The following ZCCHC7 variants were observed in gnomAD, a reference collection of about 807,000 sequenced individuals.
The protein encoded by ZCCHC7 is zinc finger CCHC domain-containing protein 7.
Under a neutral mutation model 52.0 loss-of-function variants are expected in ZCCHC7, and 35 were observed. The observed-to-expected ratio is 0.67, with a 90% CI of 0.51 to 0.89. The LOEUF is 0.89. Among genes scored for constraint, ZCCHC7 ranks in the 40% least tolerant of loss-of-function variants. The pLI is 0.00. For missense variants in ZCCHC7, 574 were observed against 649.1 expected, an observed-to-expected ratio of 0.88 and a Z score of 1.26; for synonymous variants, 217 against 221.5, an observed-to-expected ratio of 0.98 and a Z score of 0.18.
intron 6 of ZCCHC7, among the ~76,000 whole-genome samples, chr9:37,335,699 T>C: frequency 6.6e-6 from 1 of 152,300 alleles, no homozygotes; most frequent in Non-Finnish European, 1.5e-5. Context: ...TTACTCTGTC[T>C]CCTAACAATG....
chr9:37,312,524 C>A (rs1336966440), intron 5 of ZCCHC7, among the ~76,000 whole-genome samples: 1 of 152,188 alleles, frequency 6.6e-6, no homozygotes, highest in African/African-American at 2.4e-5. Context: ...ATGATGCATA[C>A]CTAGAAAATG....
chr9:37,159,137 C>T (rs968517722), intron 2 of ZCCHC7, among the ~76,000 whole-genome samples: 4 of 152,130 alleles, frequency 2.6e-5, no homozygotes, highest in African/African-American at 7.2e-5. Flanking sequence ...TATTTCTCTC[C>T]GATTTATATA....
At chr9:37,286,346 A>C (rs973878416) in intron 2 of ZCCHC7, among the ~76,000 whole-genome samples, 1 of 152,154 alleles carries the variant, frequency 6.6e-6, no homozygotes, top group South Asian at 2.1e-4. Flanking sequence ...ACCTACCTTT[A>C]TAAGATTGTT....
At chr9:37,222,968 T>C (rs1355053132) in intron 2 of ZCCHC7, among the ~76,000 whole-genome samples, 1 of 152,166 alleles carries the variant, frequency 6.6e-6, no homozygotes, top group Non-Finnish European at 1.5e-5. Context: ...TCTGTTAAGA[T>C]GGCAGATCAT....
At chr9:37,252,797 T>TA (rs1207963683) in intron 2 of ZCCHC7, among the ~76,000 whole-genome samples, 1 of 152,176 alleles carries the variant, frequency 6.6e-6, no homozygotes, top group Non-Finnish European at 1.5e-5. Flanking sequence ...TACCATCCTG[T>TA]AATACCAACA....
At chr9:37,217,527 A>G (rs1186239248) in intron 2 of ZCCHC7, among the ~76,000 whole-genome samples, 1 of 152,184 alleles carries the variant, frequency 6.6e-6, no homozygotes, top group Non-Finnish European at 1.5e-5. Flanking sequence ...CTCAAATTTG[A>G]TTAAAGTGGA....
At chr9:37,200,206 T>TG (rs1823561649) in intron 2 of ZCCHC7, among the ~76,000 whole-genome samples, 1 of 152,204 alleles carries the variant, frequency 6.6e-6, no homozygotes, top group Non-Finnish European at 1.5e-5. Flanking sequence ...TTCTTCTCCA[T>TG]GTTCACTTCC....
At chr9:37,186,434 G>GT (rs1272092371) in intron 2 of ZCCHC7, among the ~76,000 whole-genome samples, 1 of 152,154 alleles carries the variant, frequency 6.6e-6, no homozygotes, top group Non-Finnish European at 1.5e-5. Context: ...CACATTCAGT[G>GT]TAAAGGGTGT....
intron 2 of ZCCHC7, among the ~76,000 whole-genome samples, chr9:37,184,123 A>G (rs549396655): frequency 1.3e-5 from 2 of 152,224 alleles, no homozygotes; most frequent in South Asian, 4.1e-4. Context: ...TGACATTCAC[A>G]CTTGTTTGTG....
chr9:37,327,637 A>G (rs1830302452), intron 5 of ZCCHC7, among the ~76,000 whole-genome samples, 162 bp from the exon 6 acceptor site: 1 of 152,238 alleles, frequency 6.6e-6, no homozygotes, highest in Non-Finnish European at 1.5e-5. Flanking sequence ...AAATTCAATT[A>G]AACTGTCTAG....
intron 2 of ZCCHC7, among the ~76,000 whole-genome samples, chr9:37,243,930 T>C (rs567754456): frequency 6.6e-6 from 1 of 151,998 alleles, no homozygotes; most frequent in East Asian, 1.9e-4. Context: ...AATTGTATGG[T>C]CTGAGGATAT....
chr9:37,155,210 A>T (rs13301205), intron 2 of ZCCHC7, among the ~76,000 whole-genome samples: 44,259 of 151,982 alleles, frequency 0.29, 7,017 homozygotes, highest in Middle Eastern at 0.39. Flanking sequence ...AATACAAAAA[A>T]ATTAGCCGGG....
chr9:37,285,900 A>T (rs937910787), intron 2 of ZCCHC7, among the ~76,000 whole-genome samples: 7 of 152,220 alleles, frequency 4.6e-5, no homozygotes, highest in African/African-American at 1.7e-4. Context: ...ATTATATAAT[A>T]AAAGTTAACC....
At chr9:37,122,716 G>C (rs1322787516) in intron 1 of ZCCHC7, among the ~76,000 whole-genome samples, 1 of 152,248 alleles carries the variant, frequency 6.6e-6, no homozygotes, top group Non-Finnish European at 1.5e-5. Context: ...GAGTGGGGCG[G>C]ATCACGAGGT....
At chr9:37,307,018 T>C (rs969592973) in intron 5 of ZCCHC7, among the ~76,000 whole-genome samples, 8 of 151,186 alleles carry the variant, frequency 5.3e-5, no homozygotes, top group Admixed American at 5.3e-4. Context: ...ACTCCTGACC[T>C]CAGGTGATCC....
intron 2 of ZCCHC7, among the ~76,000 whole-genome samples, chr9:37,185,628 T>C (rs931871443): frequency 6.6e-6 from 1 of 152,186 alleles, no homozygotes; most frequent in South Asian, 2.1e-4. Flanking sequence ...GTGTGGCTGG[T>C]AATCTTAGGC....
Position 37,184,687 on chromosome 9 carries a change from T to TTTGTTGTTG in ZCCHC7, c.610+57770_610+57778dup, listed in dbSNP as rs56220914. 3.1e-3 allele frequency among the ~76,000 whole-genome samples: 472 copies of TTTGTTGTTG among 150,462 alleles called. 3 individuals carry two copies. Among genetic ancestry groups the TTTGTTGTTG allele is most frequent in the African/African-American group, 9.6e-3 (392 of 40,950 alleles). On this transcript the variant is annotated intron_variant, in intron 2 of 8. Transcript: ENST00000336755. ...CCAAGTTTTAACCTCTGTCTGGTGATTTGTTGTTGTTGTTGTTGTTGTTGT... is the reference window on the plus strand; with the variant it reads ...CCAAGTTTTAACCTCTGTCTGGTGATTTGTTGTTGTTGTTGTTGTTGTTGTTGTTGTTGT...
chr9:37,177,383 G>T (rs966483240), intron 2 of ZCCHC7, among the ~76,000 whole-genome samples: 2 of 152,038 alleles, frequency 1.3e-5, no homozygotes, highest in Non-Finnish European at 2.9e-5. Flanking sequence ...ATGGAGCTAG[G>T]TCAGAAATAG....
chr9:37,243,160 T>C (rs1265331381), intron 2 of ZCCHC7, among the ~76,000 whole-genome samples: 2 of 151,886 alleles, frequency 1.3e-5, no homozygotes, highest in African/African-American at 4.8e-5. Context: ...GAGCAAAGTT[T>C]ATGACATCCA....
Sources: gnomAD v4.1 joint callset for allele counts (sites outside exome capture counted in the v4.1 genomes callset) on GRCh38, gnomAD v4.1.1 for gene constraint, MANE v1.5 for transcripts, NCBI Gene and HGNC (gene_info 2026-07-23, HGNC 2026-07-21) for gene names.